The following IGSF21 variants were observed in gnomAD, a reference collection of about 807,000 sequenced individuals.
The protein encoded by IGSF21 is immunoglobin superfamily member 21.
IGSF21 carries 28 observed loss-of-function variants against 46.8 expected under a neutral mutation model. The observed-to-expected ratio is 0.60, with a 90% CI of 0.44 to 0.82. IGSF21 has a LOEUF of 0.82. Ranked by LOEUF, IGSF21 falls within the 40% of genes least tolerant of loss-of-function variation. The probability of loss-of-function intolerance (pLI) is 0.00; values close to 1 mark genes in which losing one functional copy is unlikely to be tolerated. For missense variants in IGSF21, 624 were observed against 665.5 expected, an observed-to-expected ratio of 0.94 and a Z score of 0.69; for synonymous variants, 284 against 273.6, an observed-to-expected ratio of 1.04 and a Z score of -0.38.
chr1:18,150,414 G>GA (rs564971900), intron 1 of IGSF21, among the ~76,000 whole-genome samples: 187 of 152,232 alleles, frequency 1.2e-3, no homozygotes, highest in African/African-American at 4.2e-3. Flanking sequence ...ATGGCGGGGG[G>GA]GGTCTCAGGA....
At chr1:18,269,727 C>T (rs186880348) in intron 2 of IGSF21, among the ~76,000 whole-genome samples, 1 of 152,288 alleles carries the variant, frequency 6.6e-6, no homozygotes, top group East Asian at 1.9e-4. Flanking sequence ...ATCCCTCCAG[C>T]AGCAAGGTGA....
At chr1:18,200,981 C>T (rs760754519) in intron 1 of IGSF21, among the ~76,000 whole-genome samples, 29 of 152,312 alleles carry the variant, frequency 1.9e-4, no homozygotes, top group Non-Finnish European at 3.4e-4. Flanking sequence ...ATAGTGTTTA[C>T]ATGAGACAGG....
chr1:18,216,205 AG>A (rs34970527), intron 1 of IGSF21, among the ~76,000 whole-genome samples: 14,164 of 152,192 alleles, frequency 0.093, 802 homozygotes, highest in East Asian at 0.14. Context: ...TCAGAGGAGA[AG>A]GGTGTTCCAG....
In IGSF21 at chr1:18,365,420, C is replaced by A; in HGVS notation, c.738C>A (p.Pro246=). 1 of 1,614,066 alleles carries A rather than the reference C, an allele frequency of 6.2e-7. No homozygotes were observed. Among genetic ancestry groups the A allele is most frequent in the South Asian group, 1.1e-5 (1 of 91,062 alleles). Residue 246 remains proline, a synonymous_variant, in exon 6 of 10, where the codon CCC becomes CCA. Transcript: ENST00000251296. The surrounding 1 kb of genome is among the most constrained non-coding windows in gnomAD (Gnocchi z 4.8). ...GTGGGCGACCCTACACGGAGCGCCC[C>A]TCCCGTGGCCTGACCCCAGATCCCA... ...NRGGRPYTER[P]SRGLTPDPNI...
intron 3 of IGSF21, among the ~76,000 whole-genome samples, chr1:18,331,845 C>A (rs1028193220): frequency 6.6e-6 from 1 of 152,120 alleles, no homozygotes; most frequent in Non-Finnish European, 1.5e-5. Context: ...GACTTGGTCG[C>A]TGTCTGTATT....
intron 1 of IGSF21, among the ~76,000 whole-genome samples, chr1:18,209,218 A>G (rs1570339602): frequency 6.6e-6 from 1 of 152,250 alleles, no homozygotes; most frequent in Non-Finnish European, 1.5e-5. Flanking sequence ...TGAGTGCTAC[A>G]TTAGCACTAT....
chr1:18,309,490 G>A (rs1418773567), intron 3 of IGSF21, among the ~76,000 whole-genome samples: 1 of 152,128 alleles, frequency 6.6e-6, no homozygotes, highest in Non-Finnish European at 1.5e-5. Flanking sequence ...TCAGGTTAGG[G>A]TACTGGCCCT....
intron 3 of IGSF21, among the ~76,000 whole-genome samples, chr1:18,319,265 A>G (rs1170804392): frequency 4.6e-5 from 7 of 152,216 alleles, no homozygotes; most frequent in Admixed American, 1.3e-4. Flanking sequence ...TCCAGCTAGG[A>G]GGAAGCAGGA....
intron 2 of IGSF21, among the ~76,000 whole-genome samples, chr1:18,228,333 ATGG>A (rs1433419541): frequency 2.0e-5 from 3 of 152,332 alleles, no homozygotes; most frequent in African/African-American, 7.2e-5. Flanking sequence ...GTGATATCTG[ATGG>A]TGGAATTTTG....
At chr1:18,276,151 C>G (rs559162019) in intron 2 of IGSF21, among the ~76,000 whole-genome samples, 1 of 152,326 alleles carries the variant, frequency 6.6e-6, no homozygotes, top group South Asian at 2.1e-4. Flanking sequence ...TCCACACTTC[C>G]TCTTGCAAAG....
At chr1:18,180,754 A>G (rs991571953) in intron 1 of IGSF21, among the ~76,000 whole-genome samples, 1 of 152,236 alleles carries the variant, frequency 6.6e-6, no homozygotes, top group African/African-American at 2.4e-5. Flanking sequence ...TGCATTTTAC[A>G]TATATTAACT....
At chr1:18,144,908 G>A (rs538034505) in intron 1 of IGSF21, among the ~76,000 whole-genome samples, 1 of 152,264 alleles carries the variant, frequency 6.6e-6, no homozygotes, top group Non-Finnish European at 1.5e-5. Context: ...AAATGAGATA[G>A]CAGAAGAGGA....
chr1:18,230,095 A>T (rs781246716), intron 2 of IGSF21, among the ~76,000 whole-genome samples: 1 of 152,086 alleles, frequency 6.6e-6, no homozygotes, highest in Non-Finnish European at 1.5e-5. Context: ...AGTGGTGAAA[A>T]TCTCCCTGCA....
intron 6 of IGSF21, among the ~76,000 whole-genome samples, chr1:18,374,376 G>A (rs1010109206): frequency 5.9e-5 from 9 of 152,216 alleles, no homozygotes; most frequent in Non-Finnish European, 1.3e-4. Context: ...CATCAAACCT[G>A]CCACTGCCTG....
intron 1 of IGSF21, among the ~76,000 whole-genome samples, chr1:18,122,193 C>CTTTT (rs766563472): frequency 1.1e-3 from 87 of 78,718 alleles, no homozygotes; most frequent in African/African-American, 2.6e-3. Flanking sequence ...TTCTTTCTTT[C>CTTTT]TTTTTTTTTT....
intron 1 of IGSF21, among the ~76,000 whole-genome samples, chr1:18,127,125 T>A (rs958551280): frequency 5.9e-5 from 9 of 152,206 alleles, no homozygotes; most frequent in Non-Finnish European, 1.2e-4. Context: ...TGGGTCATCT[T>A]GAACAGAGCA....
chr1:18,139,948 A>C (rs2086400576), intron 1 of IGSF21, among the ~76,000 whole-genome samples: 2 of 152,092 alleles, frequency 1.3e-5, no homozygotes, highest in South Asian at 4.1e-4. Context: ...TTTTTAAAAA[A>C]AATAAAAAAT....
At chr1:18,200,197 T>C (rs769947493) in intron 1 of IGSF21, among the ~76,000 whole-genome samples, 1 of 152,338 alleles carries the variant, frequency 6.6e-6, no homozygotes, top group East Asian at 1.9e-4. Flanking sequence ...ACCTCGGTTA[T>C]AAAATAAGAA....
chr1:18,181,395 G>A (rs954401303), intron 1 of IGSF21, among the ~76,000 whole-genome samples: 2 of 152,158 alleles, frequency 1.3e-5, no homozygotes, highest in African/African-American at 4.8e-5. Flanking sequence ...ACGCTGTTTT[G>A]GCCCAGAATT....
Sources: allele counts gnomAD v4.1 joint callset (sites outside exome capture counted in the v4.1 genomes callset), GRCh38; gene constraint gnomAD v4.1.1; non-coding constraint Gnocchi (gnomAD v3.1); transcripts MANE v1.5; gene names NCBI Gene and HGNC (gene_info 2026-07-23, HGNC 2026-07-21).